SUFU: variants seen among roughly 807,000 people sequenced by gnomAD.
SUFU encodes suppressor of fused homolog.
SUFU carries 7 observed loss-of-function variants against 58.9 expected under a neutral mutation model. The observed-to-expected ratio is 0.12, with a 90% CI of 0.07 to 0.22. The LOEUF is 0.22. SUFU is among the 10% of genes least tolerant of loss of function. The pLI, the probability that SUFU is intolerant of heterozygous loss-of-function variation, is 1.00. For synonymous variants in SUFU, 232 were observed against 254.8 expected (o/e 0.91, Z 0.85); for missense variants, 451 against 641.3 (o/e 0.70, Z 3.20).
chr10:102,589,095 G>A (rs1289901307), intron 3 of SUFU, among the ~76,000 whole-genome samples: 1 of 151,740 alleles, frequency 6.6e-6, no homozygotes, highest in Non-Finnish European at 1.5e-5. Context: ...GCTAATTTGT[G>A]TGTGTGTGTG....
chr10:102,555,046 A>T (rs1214584850), intron 3 of SUFU, among the ~76,000 whole-genome samples: 3 of 152,116 alleles, frequency 2.0e-5, no homozygotes, highest in Non-Finnish European at 2.9e-5. Context: ...AGGCGGGCGA[A>T]TCACAAGGTC....
chr10:102,572,232 ATTTTTTTT>A (rs56074714), intron 3 of SUFU, among the ~76,000 whole-genome samples: 1 of 138,660 alleles, frequency 7.2e-6, no homozygotes, highest in Non-Finnish European at 1.6e-5. Flanking sequence ...CGCCTGGATA[ATTTTTTTT>A]TTTTTTTGTA....
chr10:102,534,490 G>A (rs1337594480), intron 2 of SUFU, among the ~76,000 whole-genome samples: 1 of 152,246 alleles, frequency 6.6e-6, no homozygotes, highest in East Asian at 1.9e-4. Flanking sequence ...TCCCCTAGGG[G>A]ACAGGCGGAG....
chr10:102,585,783 C>T (rs999937206), intron 3 of SUFU, among the ~76,000 whole-genome samples: 8 of 151,868 alleles, frequency 5.3e-5, no homozygotes, highest in Admixed American at 5.3e-4. Context: ...CCTCCCAACA[C>T]TTTGGGAGGC....
At chr10:102,562,471 C>G (rs1210918219) in intron 3 of SUFU, among the ~76,000 whole-genome samples, 1 of 150,314 alleles carries the variant, frequency 6.7e-6, no homozygotes, top group Non-Finnish European at 1.5e-5. Context: ...TGCAGTGAGC[C>G]GAGATCGCGC....
chr10:102,553,608 C>T (rs10786677), intron 3 of SUFU, among the ~76,000 whole-genome samples: 44,446 of 151,962 alleles, frequency 0.29, 6,731 homozygotes, highest in Admixed American at 0.33. Flanking sequence ...GGACTACAGG[C>T]GCCCGCCACC....
At chr10:102,555,844 A>G (rs550278850) in intron 3 of SUFU, among the ~76,000 whole-genome samples, 1 of 152,344 alleles carries the variant, frequency 6.6e-6, no homozygotes, top group Non-Finnish European at 1.5e-5. Flanking sequence ...CAAGAGTTAC[A>G]TGCATATGTA....
At chr10:102,547,489 A>G (rs1383095755) in intron 2 of SUFU, among the ~76,000 whole-genome samples, 1 of 152,198 alleles carries the variant, frequency 6.6e-6, no homozygotes, top group Non-Finnish European at 1.5e-5. Flanking sequence ...CCACATTGCT[A>G]TAGATACCTG....
chr10:102,514,835 A>T (rs954088450), intron 2 of SUFU, among the ~76,000 whole-genome samples: 2 of 152,242 alleles, frequency 1.3e-5, no homozygotes, highest in African/African-American at 4.8e-5. Context: ...TGGGGCCCTA[A>T]CCGAGGCTGG....
chr10:102,572,971 G>A, intron 3 of SUFU: 7 of 1,346,312 alleles, frequency 5.2e-6, no homozygotes, highest in Middle Eastern at 4.0e-4. Flanking sequence ...CTTCTTCATG[G>A]CAGACTCAGT....
At chr10:102,525,176 T>G (rs1304627350) in intron 2 of SUFU, among the ~76,000 whole-genome samples, 1 of 152,116 alleles carries the variant, frequency 6.6e-6, no homozygotes, top group Non-Finnish European at 1.5e-5. Context: ...GGTAGTGTAA[T>G]CTCGGCTCAC....
At chr10:102,605,422 G>T (rs1192172947) in intron 8 of SUFU, among the ~76,000 whole-genome samples, 7 of 152,246 alleles carry the variant, frequency 4.6e-5, no homozygotes, top group Admixed American at 2.6e-4. Flanking sequence ...TGGGAGGATT[G>T]CCTGGGCCTG....
intron 2 of SUFU, among the ~76,000 whole-genome samples, chr10:102,532,707 A>G (rs2062690133): frequency 6.6e-6 from 1 of 152,164 alleles, no homozygotes; most frequent in African/African-American, 2.4e-5. Flanking sequence ...ACACCTGCGC[A>G]GAGTTTCGGA....
chr10:102,587,066 G>A (rs1366490990), intron 3 of SUFU, among the ~76,000 whole-genome samples: 1 of 152,182 alleles, frequency 6.6e-6, no homozygotes, highest in African/African-American at 2.4e-5. Context: ...GTATTCCATT[G>A]TGTGTAAATA....
chr10:102,521,217 C>T (rs1194670283), intron 2 of SUFU, among the ~76,000 whole-genome samples: 1 of 152,184 alleles, frequency 6.6e-6, no homozygotes, highest in Admixed American at 6.5e-5. Context: ...TCTCTCATGA[C>T]ATATGCTGTT....
At chr10:102,572,739 T>A (rs2063175351) in intron 3 of SUFU, 3 of 736,332 alleles carry the variant, frequency 4.1e-6, no homozygotes, top group Non-Finnish European at 7.5e-6. Flanking sequence ...TATTTAGAAT[T>A]ACCCAGCTGG....
intron 8 of SUFU, 33 bp from the exon 9 acceptor site, chr10:102,615,235 T>C (rs749637287): frequency 1.9e-6 from 3 of 1,614,016 alleles, no homozygotes; most frequent in South Asian, 2.2e-5. Context: ...CTTTTCACCT[T>C]GTGCCGAACC....
intron 3 of SUFU, among the ~76,000 whole-genome samples, chr10:102,559,913 C>G (rs2063018334): frequency 6.6e-6 from 1 of 152,186 alleles, no homozygotes; most frequent in Non-Finnish European, 1.5e-5. Flanking sequence ...CCTTCACTTG[C>G]TGCTGTTTAA....
At chr10:102,567,006 CTTTTTTTT>C (rs1175563323) in intron 3 of SUFU, among the ~76,000 whole-genome samples, 2 of 64,670 alleles carry the variant, frequency 3.1e-5, no homozygotes, top group South Asian at 1.5e-3. Flanking sequence ...GAAACAGGCT[CTTTTTTTT>C]TTTTTTTTTT....
Sources: allele counts gnomAD v4.1 joint callset (sites outside exome capture counted in the v4.1 genomes callset), GRCh38; gene constraint gnomAD v4.1.1; transcripts MANE v1.5; gene names NCBI Gene and HGNC (gene_info 2026-07-23, HGNC 2026-07-21).